EPHA7: variants seen among roughly 807,000 people sequenced by gnomAD.
EPHA7 encodes ephrin type-A receptor 7.
Under a neutral mutation model 112.6 loss-of-function variants are expected in EPHA7, and 25 were observed. The observed-to-expected ratio is 0.22, with a 90% CI of 0.16 to 0.31. The LOEUF is 0.31. EPHA7 is among the 10% of genes least tolerant of loss of function. EPHA7 has a pLI of 1.00. For synonymous variants in EPHA7, 437 were observed against 406.5 expected, an observed-to-expected ratio of 1.07 and a Z score of -0.90; for missense variants, 962 against 1,212.6, an observed-to-expected ratio of 0.79 and a Z score of 3.07.
At chr6:93,380,619 GA>G (rs1562140532) in intron 3 of EPHA7, among the ~76,000 whole-genome samples, 1 of 152,066 alleles carries the variant, frequency 6.6e-6, no homozygotes, top group Non-Finnish European at 1.5e-5. Context: ...GAAATTCAAG[GA>G]AATGCTGCAG....
chr6:93,331,283 C>G (rs557380342), intron 5 of EPHA7, among the ~76,000 whole-genome samples: 67 of 151,414 alleles, frequency 4.4e-4, no homozygotes, highest in Admixed American at 1.3e-3. Flanking sequence ...CATATATAGT[C>G]ACACCACTAT....
At chr6:93,287,818 C>A (rs560235975) in intron 5 of EPHA7, among the ~76,000 whole-genome samples, 1 of 151,980 alleles carries the variant, frequency 6.6e-6, no homozygotes, top group Middle Eastern at 3.4e-3. Context: ...TTCTTCAAGG[C>A]CATATGAAAA....
At chr6:93,260,573 C>G in intron 9 of EPHA7, 8 of 961,316 alleles carry the variant, frequency 8.3e-6, no homozygotes, top group Non-Finnish European at 9.9e-6. Flanking sequence ...ATATATTACA[C>G]TGCAGCCTAA....
chr6:93,354,145 T>A (rs115658711), intron 5 of EPHA7, among the ~76,000 whole-genome samples: 82 of 152,246 alleles, frequency 5.4e-4, no homozygotes, highest in African/African-American at 1.8e-3. Context: ...AATGATGCTA[T>A]TTGTTTAATG....
intron 5 of EPHA7, among the ~76,000 whole-genome samples, chr6:93,290,073 A>G (rs1207341073): frequency 6.6e-6 from 1 of 152,116 alleles, no homozygotes; most frequent in Non-Finnish European, 1.5e-5. Flanking sequence ...AGTTCTTTAT[A>G]GTATCTAAGC....
At chr6:93,284,205 G>GT in intron 5 of EPHA7, among the ~76,000 whole-genome samples, 1 of 151,872 alleles carries the variant, frequency 6.6e-6, no homozygotes, top group East Asian at 1.9e-4. Context: ...TTTTTTGACT[G>GT]TATGTTTTCC....
At chr6:93,269,739 C>A in intron 6 of EPHA7, 79 bp from the exon 7 acceptor site, 1 of 1,176,628 alleles carries the variant, frequency 8.5e-7, no homozygotes, top group African/African-American at 1.6e-5. Flanking sequence ...CAATTTAATT[C>A]AATTTGCTCC....
chr6:93,390,904 A>C (rs1162178802), intron 3 of EPHA7, among the ~76,000 whole-genome samples: 2 of 151,922 alleles, frequency 1.3e-5, no homozygotes, highest in Non-Finnish European at 2.9e-5. Context: ...ACTAAATTGA[A>C]TTGGTTTTAA....
intron 5 of EPHA7, among the ~76,000 whole-genome samples, chr6:93,281,571 T>C (rs1771738957): frequency 6.6e-6 from 1 of 152,138 alleles, no homozygotes; most frequent in Non-Finnish European, 1.5e-5. Context: ...AGAATATGTG[T>C]ATACATGTCT....
At chr6:93,372,530 A>G (rs1016461850) in intron 3 of EPHA7, among the ~76,000 whole-genome samples, 1 of 152,142 alleles carries the variant, frequency 6.6e-6, no homozygotes, top group African/African-American at 2.4e-5. Context: ...CCAGACTGAA[A>G]TCCTACTCTT....
At chr6:93,416,492 C>A (rs972389711) in intron 1 of EPHA7, among the ~76,000 whole-genome samples, 7 of 152,172 alleles carry the variant, frequency 4.6e-5, no homozygotes, top group Admixed American at 1.3e-4. Flanking sequence ...GGGACCTAAG[C>A]AGACAGCAGT....
chr6:93,395,275 G>A (rs1778110488), intron 3 of EPHA7, among the ~76,000 whole-genome samples: 1 of 151,814 alleles, frequency 6.6e-6, no homozygotes, highest in Admixed American at 6.6e-5. Flanking sequence ...TAATGTGAAA[G>A]ATGTATATAT....
At chr6:93,250,082 A>G (rs961315577) in intron 14 of EPHA7, among the ~76,000 whole-genome samples, 1 of 152,164 alleles carries the variant, frequency 6.6e-6, no homozygotes, top group African/African-American at 2.4e-5. Context: ...TTAAAGGAAT[A>G]ACAACAAGAT....
chr6:93,244,972 C>T (rs1582379425), intron 16 of EPHA7, among the ~76,000 whole-genome samples: 1 of 152,084 alleles, frequency 6.6e-6, no homozygotes, highest in East Asian at 1.9e-4. Context: ...AGAACACCAG[C>T]TATGGAGCCA....
At chr6:93,318,924 T>C (rs1013402067) in intron 5 of EPHA7, among the ~76,000 whole-genome samples, 2 of 152,100 alleles carry the variant, frequency 1.3e-5, no homozygotes, top group African/African-American at 4.8e-5. Context: ...TGAACCATTG[T>C]TGTCACTTAA....
chr6:93,373,145 T>C (rs1776885340), intron 3 of EPHA7, among the ~76,000 whole-genome samples: 3 of 151,946 alleles, frequency 2.0e-5, no homozygotes. Flanking sequence ...ATATAGTCAA[T>C]AATTATAGTA....
intron 5 of EPHA7, among the ~76,000 whole-genome samples, chr6:93,318,109 T>A (rs771254865): frequency 6.6e-6 from 1 of 152,220 alleles, no homozygotes; most frequent in Non-Finnish European, 1.5e-5. Flanking sequence ...TGTACTCCTA[T>A]GTGTTAACAT....
rs2127994254 is a variant in EPHA7, at chr6:93,410,553, A to G, written c.780T>C (p.Ile260=). The G allele has an allele frequency of 6.2e-7, 1 of 1,613,994 alleles. No individual in the cohort carries two copies. Among genetic ancestry groups the G allele is most frequent in the Non-Finnish European group, 8.5e-7 (1 of 1,179,914 alleles). ...CSAEGEWLVP[I]GKCICKAGYQ... is the part of the protein sequence containing the mutation. Reference sequence around the variant, plus strand: ...AGCCTGCTTTGCAGATACATTTTCCAATGGGCACTAACCATTCTCCTTCTG... The same window carrying G: ...AGCCTGCTTTGCAGATACATTTTCCGATGGGCACTAACCATTCTCCTTCTG... The change falls in exon 3 of 17, where the codon ATT becomes ATC. Residue 260 remains isoleucine, a synonymous_variant. Transcript: ENST00000369303. This position sits in a 1 kb window ranked among gnomAD's most constrained non-coding sequence, Gnocchi z 4.0.
At chr6:93,380,569 T>A (rs1013501121) in intron 3 of EPHA7, among the ~76,000 whole-genome samples, 1 of 152,052 alleles carries the variant, frequency 6.6e-6, no homozygotes, top group African/African-American at 2.4e-5. Flanking sequence ...AGGAAAGTGA[T>A]AGTCTGAAAT....
Sources: gnomAD v4.1 joint callset for allele counts (sites outside exome capture counted in the v4.1 genomes callset) on GRCh38, gnomAD v4.1.1 for gene constraint, Gnocchi (gnomAD v3.1) non-coding constraint, MANE v1.5 for transcripts, NCBI Gene and HGNC (gene_info 2026-07-23, HGNC 2026-07-21) for gene names.